TMEM178B: variants seen among roughly 807,000 people sequenced by gnomAD.
TMEM178B encodes transmembrane protein 178B.
In TMEM178B, 5 loss-of-function variants were observed where a neutral mutation model predicts 31.0. The observed-to-expected ratio is 0.16, with a 90% CI of 0.08 to 0.34. The LOEUF is 0.34. Ranked by LOEUF, TMEM178B falls within the 10% of genes least tolerant of loss-of-function variation. The probability of loss-of-function intolerance (pLI) is 1.00; values close to 1 mark genes in which losing one functional copy is unlikely to be tolerated. For missense variants in TMEM178B, 275 were observed against 400.3 expected, an observed-to-expected ratio of 0.69 and a Z score of 2.67; for synonymous variants, 164 against 164.0, an observed-to-expected ratio of 1.00 and a Z score of 0.00.
chr7:141,469,013 A>G (rs1802193939), intron 3 of TMEM178B, among the ~76,000 whole-genome samples: 1 of 152,148 alleles, frequency 6.6e-6, no homozygotes, highest in African/African-American at 2.4e-5. Flanking sequence ...TTTCCTCCTT[A>G]CTGTTCATGT....
intron 1 of TMEM178B, among the ~76,000 whole-genome samples, chr7:141,158,682 G>T (rs1796115240): frequency 6.6e-6 from 1 of 152,146 alleles, no homozygotes; most frequent in Admixed American, 6.5e-5. Flanking sequence ...AGCTGGGGAT[G>T]CCTAGATCTC....
intron 1 of TMEM178B, among the ~76,000 whole-genome samples, chr7:141,107,888 T>A (rs536527391): frequency 6.6e-6 from 1 of 152,180 alleles, no homozygotes; most frequent in Non-Finnish European, 1.5e-5. Flanking sequence ...AAAGAGTTCC[T>A]GGAGAAGAAA....
intron 2 of TMEM178B, among the ~76,000 whole-genome samples, chr7:141,330,764 T>C (rs547638374): frequency 6.6e-6 from 1 of 152,306 alleles, no homozygotes; most frequent in African/African-American, 2.4e-5. Flanking sequence ...TTTAACAGGA[T>C]CACTCTGGCT....
At chr7:141,470,420 TTCCTAC>T in intron 3 of TMEM178B, 110 bp from the exon 4 acceptor site, 1 of 1,136,982 alleles carries the variant, frequency 8.8e-7, no homozygotes, top group Non-Finnish European at 1.2e-6. Context: ...CTTCCCATTT[TTCCTAC>T]TCAAGAAAAT....
chr7:141,302,290 T>C (rs1208091696), intron 2 of TMEM178B, among the ~76,000 whole-genome samples: 1 of 152,220 alleles, frequency 6.6e-6, no homozygotes. Context: ...TGCTCCAACA[T>C]GGATGAACCT....
chr7:141,411,854 T>C (rs190047979), intron 2 of TMEM178B, among the ~76,000 whole-genome samples: 62 of 152,340 alleles, frequency 4.1e-4, no homozygotes, highest in Middle Eastern at 3.4e-3. Context: ...GTGGGTTGTA[T>C]TGGTGAGTCT....
the TMEM178B span, among the ~76,000 whole-genome samples, chr7:141,487,195 T>C: frequency 6.6e-6 from 1 of 152,178 alleles, no homozygotes; most frequent in African/African-American, 2.4e-5. Flanking sequence ...TTTTCTTCCT[T>C]ATAGCTCAGC....
At chr7:141,372,028 A>G (rs1342804905) in intron 2 of TMEM178B, among the ~76,000 whole-genome samples, 1 of 152,092 alleles carries the variant, frequency 6.6e-6, no homozygotes, top group African/African-American at 2.4e-5. Context: ...CTAATCCCCC[A>G]CATCCTTTCT....
intron 2 of TMEM178B, among the ~76,000 whole-genome samples, chr7:141,287,344 TC>T (rs1164383501): frequency 1.3e-5 from 2 of 152,222 alleles, no homozygotes; most frequent in Non-Finnish European, 2.9e-5. Flanking sequence ...AATTTTTATG[TC>T]TCTCATATCC....
chr7:141,138,544 G>A (rs1038395976), intron 1 of TMEM178B, among the ~76,000 whole-genome samples: 16 of 152,040 alleles, frequency 1.1e-4, no homozygotes, highest in Non-Finnish European at 2.2e-4. Context: ...GTGTGGGTAT[G>A]GATGGGGAGT....
rs55960871 is a variant in TMEM178B, at chr7:141,369,316, CGTGTGTGTGTGTGT to C, written c.497-68263_497-68250del. ...CTTTCTCTCTGTCTCTCCGCGCCGACGTGTGTGTGTGTGTGTGTGTGTGTGTGTGTGTGTGTGTG... is the reference window on the plus strand; with the variant it reads ...CTTTCTCTCTGTCTCTCCGCGCCGACGTGTGTGTGTGTGTGTGTGTGTGTG... On this transcript the variant is annotated intron_variant, in intron 2 of 3. Transcript: ENST00000565468. 3.5e-4 allele frequency among the ~76,000 whole-genome samples: 48 copies of C among 138,450 alleles called. No homozygotes were observed. The East Asian group carries it at 7.3e-3, about 21-fold the overall frequency. The allele number at this position is 138,450 out of a possible 152,430, so 90.8% of individuals were successfully genotyped here.
intron 2 of TMEM178B, among the ~76,000 whole-genome samples, chr7:141,264,808 A>T (rs1798068623): frequency 1.3e-5 from 2 of 152,200 alleles, no homozygotes; most frequent in Admixed American, 1.3e-4. Context: ...ACATCCATAT[A>T]GGCAGTAGAG....
chr7:141,368,716 G>C (rs1483677477), intron 2 of TMEM178B, among the ~76,000 whole-genome samples: 2 of 152,178 alleles, frequency 1.3e-5, no homozygotes, highest in African/African-American at 4.8e-5. Context: ...AGAAATCCTG[G>C]AAGTAAAAGA....
the TMEM178B span, among the ~76,000 whole-genome samples, chr7:141,510,707 A>AAAAAAAAAAAAAG: frequency 1.5e-5 from 2 of 136,000 alleles, no homozygotes; most frequent in Non-Finnish European, 3.0e-5. Context: ...AAAAAAAAAA[A>AAAAAAAAAAAAAG]AAAAAGAAAA....
At chr7:141,503,421 G>T in the TMEM178B span, among the ~76,000 whole-genome samples, 1 of 152,202 alleles carries the variant, frequency 6.6e-6, no homozygotes, top group Non-Finnish European at 1.5e-5. Context: ...TCTCCTATAA[G>T]GAGTAGTGGG....
At chr7:141,093,893 C>T (rs1182576056) in intron 1 of TMEM178B, among the ~76,000 whole-genome samples, 1 of 151,890 alleles carries the variant, frequency 6.6e-6, no homozygotes, top group East Asian at 1.9e-4. Context: ...AAAAACTTGA[C>T]CAAGAGTGAA....
At chr7:141,193,134 T>G (rs1472783074) in intron 1 of TMEM178B, among the ~76,000 whole-genome samples, 2 of 152,190 alleles carry the variant, frequency 1.3e-5, no homozygotes, top group Non-Finnish European at 2.9e-5. Flanking sequence ...GCGGTGGCCC[T>G]AGCATCCTCT....
chr7:141,299,207 C>T (rs1374564604), intron 2 of TMEM178B, among the ~76,000 whole-genome samples: 1 of 152,076 alleles, frequency 6.6e-6, no homozygotes, highest in Non-Finnish European at 1.5e-5. Context: ...GATGGAGTCT[C>T]ACTCTGTCAC....
At chr7:141,225,224 C>T (rs376239907) in intron 2 of TMEM178B, among the ~76,000 whole-genome samples, 32 of 152,124 alleles carry the variant, frequency 2.1e-4, no homozygotes, top group African/African-American at 7.2e-4. Flanking sequence ...ATATCTCGTG[C>T]GGCAGGCCTA....
Sources: allele counts gnomAD v4.1 joint callset (sites outside exome capture counted in the v4.1 genomes callset), GRCh38; gene constraint gnomAD v4.1.1; transcripts MANE v1.5; gene names NCBI Gene and HGNC (gene_info 2026-07-23, HGNC 2026-07-21).